TMEM132D: variants seen among roughly 807,000 people sequenced by gnomAD.
The protein encoded by TMEM132D is mature OL transmembrane protein.
TMEM132D carries 21 observed loss-of-function variants against 62.3 expected under a neutral mutation model. That is an observed-to-expected ratio of 0.34 (90% CI 0.24 to 0.49). TMEM132D has a LOEUF of 0.49. Ranked by LOEUF, TMEM132D falls within the 20% of genes least tolerant of loss-of-function variation. The pLI, the probability that TMEM132D is intolerant of heterozygous loss-of-function variation, is 0.99. For synonymous variants in TMEM132D, 621 were observed against 575.6 expected, an observed-to-expected ratio of 1.08 and a Z score of -1.13; for missense variants, 1,346 against 1,402.8, an observed-to-expected ratio of 0.96 and a Z score of 0.65.
intron 1 of TMEM132D, among the ~76,000 whole-genome samples, chr12:129,797,957 G>A (rs1220697784): frequency 2.0e-5 from 3 of 152,210 alleles, no homozygotes; most frequent in Non-Finnish European, 4.4e-5. Context: ...GGATCATGGG[G>A]ATGGATTTCT....
intron 2 of TMEM132D, among the ~76,000 whole-genome samples, chr12:129,685,669 C>T (rs189583545): frequency 1.4e-3 from 208 of 152,260 alleles, no homozygotes; most frequent in African/African-American, 4.8e-3. Context: ...GGCCAACTGT[C>T]CCCCAGACCC....
intron 5 of TMEM132D, among the ~76,000 whole-genome samples, chr12:129,202,917 G>T (rs1409312491): frequency 6.6e-6 from 1 of 152,194 alleles, no homozygotes; most frequent in Non-Finnish European, 1.5e-5. Context: ...AGTTGCTCAA[G>T]AAATGTTTGC....
intron 3 of TMEM132D, among the ~76,000 whole-genome samples, chr12:129,355,791 T>C (rs1020788407): frequency 6.6e-6 from 1 of 152,174 alleles, no homozygotes; most frequent in Non-Finnish European, 1.5e-5. Flanking sequence ...GATGACTCTT[T>C]TTAGTTTCTG....
rs1447272341 is a variant in TMEM132D, at chr12:129,074,595, G to T, written c.2580C>A (p.Ser860=). ...CCTGGCCTTTCTTCTTCTGCAGGAT[G>T]GACCTGTCTGTCGTGGTGCCCCGTC... is the stretch of plus-strand genomic sequence containing the variant. ...MEGRGTTTDR[S]ILQKKKGQES... Residue 860 remains serine (S), a synonymous_variant, in exon 9 of 9, where the codon TCC becomes TCA. Coordinates refer to ENST00000422113, the MANE Select transcript of TMEM132D (RefSeq NM_133448.3). 7 of 1,613,984 alleles carry T rather than the reference G, an allele frequency of 4.3e-6. No individual in the cohort carries two copies. Among genetic ancestry groups the T allele is most frequent in the Non-Finnish European group, 3.4e-6 (4 of 1,180,036 alleles).
chr12:129,808,611 T>G (rs886663008), intron 1 of TMEM132D, among the ~76,000 whole-genome samples: 3 of 152,164 alleles, frequency 2.0e-5, no homozygotes, highest in Non-Finnish European at 4.4e-5. Flanking sequence ...CTGATAAGAA[T>G]AGGAAAAGGA....
intron 3 of TMEM132D, among the ~76,000 whole-genome samples, chr12:129,482,142 A>T (rs1874446968): frequency 6.6e-6 from 1 of 152,148 alleles, no homozygotes; most frequent in Admixed American, 6.5e-5. Context: ...CAGCCCCCAG[A>T]CACACGGGCA....
rs1218792744 is a variant in TMEM132D at position 129,086,201 on chromosome 12, C to CGTGTGTGTGTGTGT, written c.1444-1513_1444-1500dup. Among the ~76,000 whole-genome samples, 14 of 141,134 alleles carry CGTGTGTGTGTGTGT rather than the reference C, an allele frequency of 9.9e-5. 1 individual carries two copies. In the East Asian group the frequency reaches 1.0e-3, roughly 10 times the overall value. 92.6% of individuals were successfully genotyped at this position (141,134 alleles called of 152,430 possible). On this transcript the variant is annotated intron_variant, in intron 5 of 8. Transcript: ENST00000422113. The stretch of plus-strand genomic sequence containing the variant: ...ATCACCTCACATAGTCACGCGCGCG[C>CGTGTGTGTGTGTGT]GTGTGTGTGTGTGTGTGTGTGTGTG...
At chr12:129,731,660 A>G (rs1057154721) in intron 1 of TMEM132D, among the ~76,000 whole-genome samples, 1 of 132,828 alleles carries the variant, frequency 7.5e-6, no homozygotes, top group Admixed American at 8.4e-5. Context: ...ACTTGAAGCC[A>G]CTGGAAATTT....
At chr12:129,089,652 A>T (rs571001172) in intron 5 of TMEM132D, among the ~76,000 whole-genome samples, 46 of 149,620 alleles carry the variant, frequency 3.1e-4, no homozygotes, top group Middle Eastern at 3.5e-3. Flanking sequence ...GGGGGATGTA[A>T]GGGGCTAGGA....
intron 2 of TMEM132D, among the ~76,000 whole-genome samples, chr12:129,578,709 T>C (rs537869159): frequency 6.6e-6 from 1 of 152,174 alleles, no homozygotes; most frequent in South Asian, 2.1e-4. Flanking sequence ...TGGTGTCGTT[T>C]CTGGGCTGGG....
intron 2 of TMEM132D, among the ~76,000 whole-genome samples, chr12:129,676,236 G>A (rs560158653): frequency 1.3e-5 from 2 of 152,186 alleles, no homozygotes; most frequent in African/African-American, 2.4e-5. Context: ...TGCTACTTGA[G>A]ATGTAGTAGT....
At chr12:129,420,392 GC>G (rs1220268173) in intron 3 of TMEM132D, among the ~76,000 whole-genome samples, 1 of 136,506 alleles carries the variant, frequency 7.3e-6, no homozygotes, top group Non-Finnish European at 1.5e-5. Context: ...TACAAAACCT[GC>G]TTCTGACAGG....
At chr12:129,766,162 C>CT (rs199549722) in intron 1 of TMEM132D, among the ~76,000 whole-genome samples, 5,575 of 152,250 alleles carry the variant, frequency 0.037, 157 homozygotes, top group Non-Finnish European at 0.049. Context: ...CCCCTACTGA[C>CT]TGCCAGGACC....
intron 5 of TMEM132D, among the ~76,000 whole-genome samples, chr12:129,180,243 T>G (rs1878028001): frequency 6.9e-6 from 1 of 144,570 alleles, no homozygotes; most frequent in African/African-American, 2.7e-5. Flanking sequence ...GAGGAAGCAG[T>G]CTGCACTTCA....
intron 4 of TMEM132D, among the ~76,000 whole-genome samples, chr12:129,330,183 G>A (rs1297074853): frequency 6.6e-6 from 1 of 152,158 alleles, no homozygotes; most frequent in Non-Finnish European, 1.5e-5. Flanking sequence ...CAACCAAGTA[G>A]GTGGAGGGTC....
chr12:129,345,155 C>T (rs553801890), intron 3 of TMEM132D, among the ~76,000 whole-genome samples: 1 of 152,148 alleles, frequency 6.6e-6, no homozygotes, highest in East Asian at 1.9e-4. Flanking sequence ...TTGCCTTATT[C>T]GACATTTTTG....
chr12:129,882,866 C>T (rs1203706885), intron 1 of TMEM132D, among the ~76,000 whole-genome samples: 3 of 152,174 alleles, frequency 2.0e-5, no homozygotes, highest in Non-Finnish European at 2.9e-5. Context: ...AGCAACAGAG[C>T]AGAACTTCTT....
intron 5 of TMEM132D, among the ~76,000 whole-genome samples, chr12:129,121,727 A>G (rs1444295550): frequency 1.1e-4 from 17 of 152,360 alleles, no homozygotes; most frequent in Non-Finnish European, 1.5e-5. Context: ...CACAGCACAC[A>G]GACACAGAAA....
chr12:129,192,460 G>A (rs565794280), intron 5 of TMEM132D, among the ~76,000 whole-genome samples: 5 of 152,192 alleles, frequency 3.3e-5, no homozygotes, highest in Admixed American at 6.5e-5. Context: ...GGGGAAAGAT[G>A]GCAGAAGCTT....
Sources: allele counts gnomAD v4.1 joint callset (sites outside exome capture counted in the v4.1 genomes callset), GRCh38; gene constraint gnomAD v4.1.1; transcripts MANE v1.5; gene names NCBI Gene and HGNC (gene_info 2026-07-23, HGNC 2026-07-21).